The following C12orf42 variants were observed in gnomAD, a reference collection of about 807,000 sequenced individuals.
C12orf42 encodes uncharacterized protein C12orf42.
C12orf42 carries 25 observed loss-of-function variants against 21.6 expected under a neutral mutation model. The ratio of observed to expected loss-of-function variants is 1.16; its 90% CI spans 0.84 to 1.62. The LOEUF (loss-of-function observed/expected upper bound fraction) is 1.62, where lower values mean the gene tolerates loss of function less well. Ranked by LOEUF, C12orf42 falls within the 40% of genes most tolerant of loss-of-function variation. The probability of loss-of-function intolerance (pLI) is 0.00; values close to 1 mark genes in which losing one functional copy is unlikely to be tolerated. For synonymous variants in C12orf42, 174 were observed against 175.0 expected, an observed-to-expected ratio of 0.99 and a Z score of 0.05; for missense variants, 483 against 459.3, an observed-to-expected ratio of 1.05 and a Z score of -0.47.
chr12:103,317,549 T>G (rs981474327), intron 4 of C12orf42, among the ~76,000 whole-genome samples: 4 of 152,216 alleles, frequency 2.6e-5, no homozygotes, highest in African/African-American at 9.6e-5. Context: ...TTTAAAAACA[T>G]TGGTCTGAGA....
the C12orf42 span, among the ~76,000 whole-genome samples, chr12:103,538,323 T>A: frequency 6.6e-6 from 1 of 152,264 alleles, no homozygotes; most frequent in African/African-American, 2.4e-5. Context: ...AAAATACAGA[T>A]GGAAGAATGC....
the C12orf42 span, among the ~76,000 whole-genome samples, chr12:103,512,259 T>A: frequency 6.6e-6 from 1 of 152,128 alleles, no homozygotes; most frequent in Non-Finnish European, 1.5e-5. Flanking sequence ...AATCATTAAT[T>A]CCATGGAGGT....
chr12:103,277,143 TACTC>T (rs1566012766), intron 5 of C12orf42: 1 of 455,832 alleles, frequency 2.2e-6, no homozygotes. Flanking sequence ...TACCAAACGA[TACTC>T]ACTCTTCAAG....
the C12orf42 span, among the ~76,000 whole-genome samples, chr12:103,127,687 C>A: frequency 6.6e-6 from 1 of 152,116 alleles, no homozygotes; most frequent in African/African-American, 2.4e-5. Context: ...CAGGTAGGGC[C>A]AGGGATGCTG....
At chr12:103,287,132 G>A (rs2036518258) in intron 4 of C12orf42, among the ~76,000 whole-genome samples, 2 of 152,164 alleles carry the variant, frequency 1.3e-5, no homozygotes, top group African/African-American at 4.8e-5. Context: ...CAACCATTGT[G>A]GAAGTCGGTG....
At chr12:103,126,986 G>A in the C12orf42 span, among the ~76,000 whole-genome samples, 3 of 152,124 alleles carry the variant, frequency 2.0e-5, 1 homozygote, top group Non-Finnish European at 4.4e-5. Context: ...TCAGTCTCAC[G>A]ATAAAAATTC....
chr12:103,461,807 A>G (rs1952723362), intron 2 of C12orf42, among the ~76,000 whole-genome samples: 1 of 152,192 alleles, frequency 6.6e-6, no homozygotes, highest in South Asian at 2.1e-4. Flanking sequence ...TTCTACAACT[A>G]GAAAACTGGT....
At chr12:103,399,522 AG>A in intron 3 of C12orf42, among the ~76,000 whole-genome samples, 2 of 151,370 alleles carry the variant, frequency 1.3e-5, no homozygotes, top group South Asian at 4.2e-4. Context: ...AAGAAGAAGA[AG>A]AAAGGCCTTC....
At chr12:103,372,730 T>G (rs962277508) in intron 3 of C12orf42, among the ~76,000 whole-genome samples, 2 of 152,134 alleles carry the variant, frequency 1.3e-5, no homozygotes, top group Non-Finnish European at 2.9e-5. Flanking sequence ...GATCCAAGTA[T>G]GACAAAGTAG....
chr12:103,288,730 A>T (rs1282352798), intron 4 of C12orf42, among the ~76,000 whole-genome samples: 1 of 152,180 alleles, frequency 6.6e-6, no homozygotes, highest in East Asian at 1.9e-4. Context: ...TGCTTTATTT[A>T]TAAATCAAAG....
chr12:103,426,516 G>A (rs890308137), intron 2 of C12orf42, among the ~76,000 whole-genome samples: 3 of 152,164 alleles, frequency 2.0e-5, no homozygotes, highest in African/African-American at 7.2e-5. Flanking sequence ...GGGGAGAATG[G>A]AACCAAATTG....
the C12orf42 span, among the ~76,000 whole-genome samples, chr12:103,168,710 T>C: frequency 6.6e-6 from 1 of 152,156 alleles, no homozygotes; most frequent in African/African-American, 2.4e-5. Context: ...CACATGCACA[T>C]GTATGTTTAT....
At chr12:103,379,359 G>A (rs955893958) in intron 3 of C12orf42, among the ~76,000 whole-genome samples, 1 of 152,096 alleles carries the variant, frequency 6.6e-6, no homozygotes, top group African/African-American at 2.4e-5. Context: ...AGAGCTCAGT[G>A]TGAATATTTG....
At chr12:103,313,406 C>G (rs2039154357) in intron 4 of C12orf42, among the ~76,000 whole-genome samples, 1 of 152,152 alleles carries the variant, frequency 6.6e-6, no homozygotes, top group South Asian at 2.1e-4. Flanking sequence ...AAGGAAGAGT[C>G]TGAGATGCAC....
At chr12:103,365,812 G>A in intron 4 of C12orf42, among the ~76,000 whole-genome samples, 1 of 151,968 alleles carries the variant, frequency 6.6e-6, no homozygotes, top group Non-Finnish European at 1.5e-5. Context: ...AAATACTGCT[G>A]AAAGAAATTG....
intron 3 of C12orf42, among the ~76,000 whole-genome samples, chr12:103,390,807 T>C (rs2047011880): frequency 6.6e-6 from 1 of 152,290 alleles, no homozygotes; most frequent in Admixed American, 6.5e-5. Context: ...AAATTCATCT[T>C]TTTTCCACTC....
At chr12:103,117,981 T>G in the C12orf42 span, among the ~76,000 whole-genome samples, 1 of 152,338 alleles carries the variant, frequency 6.6e-6, no homozygotes, top group African/African-American at 2.4e-5. Context: ...TAAAAATGCT[T>G]TATGAATTAT....
the C12orf42 span, among the ~76,000 whole-genome samples, chr12:103,190,864 A>G: frequency 6.6e-6 from 1 of 152,174 alleles, no homozygotes; most frequent in Non-Finnish European, 1.5e-5. Context: ...ATGGCCATAA[A>G]CTTCCCAAAT....
the C12orf42 span, among the ~76,000 whole-genome samples, chr12:103,094,342 T>G: frequency 9.5e-4 from 144 of 152,304 alleles, 1 homozygote; most frequent in African/African-American, 3.0e-3. Context: ...ACTATATAGG[T>G]ATCAAAACCA....
Sources: gnomAD v4.1 joint callset for allele counts (sites outside exome capture counted in the v4.1 genomes callset) on GRCh38, gnomAD v4.1.1 for gene constraint, MANE v1.5 for transcripts, NCBI Gene and HGNC (gene_info 2026-07-23, HGNC 2026-07-21) for gene names.